Variants in LRCH3 observed in about 807,000 individuals in gnomAD.
LRCH3 encodes the protein leucine rich repeats and calponin homology domain containing 3, also known as DISP complex protein LRCH3.
In LRCH3, 68 loss-of-function variants were observed where a neutral mutation model predicts 104.5. That is an observed-to-expected ratio of 0.65 (90% CI 0.54 to 0.80). The LOEUF (loss-of-function observed/expected upper bound fraction) is 0.80. LRCH3 is among the 30% of genes least tolerant of loss of function. The pLI, the probability that LRCH3 is intolerant of heterozygous loss-of-function variation, is 0.00. For missense variants in LRCH3, 951 were observed against 953.9 expected (o/e 1.00, Z 0.04); for synonymous variants, 344 against 361.3 (o/e 0.95, Z 0.54).
chr3:197,811,398 G>C (rs1490260296), intron 1 of LRCH3, among the ~76,000 whole-genome samples: 1 of 151,988 alleles, frequency 6.6e-6, no homozygotes, highest in East Asian at 1.9e-4. Flanking sequence ...ATTGCTCAGT[G>C]TTGAAAATCT....
intron 20 of LRCH3, chr3:197,880,698 C>T (rs982944400): frequency 1.3e-6 from 2 of 1,536,628 alleles, no homozygotes; most frequent in African/African-American, 2.7e-5. Flanking sequence ...TTATTACTGG[C>T]TCTTCCCCGC....
intron 12 of LRCH3, among the ~76,000 whole-genome samples, chr3:197,849,476 ATC>A (rs761544820): frequency 1.3e-4 from 19 of 151,968 alleles, no homozygotes; most frequent in Non-Finnish European, 2.8e-4. Flanking sequence ...GTCCTCCTTT[ATC>A]TCTGTCATTG....
chr3:197,840,546 T>C (rs532142265), intron 10 of LRCH3, among the ~76,000 whole-genome samples: 4 of 152,372 alleles, frequency 2.6e-5, no homozygotes, highest in Admixed American at 6.5e-5. Flanking sequence ...TTTCTTGCCA[T>C]GAAGAATTTC....
intron 10 of LRCH3, among the ~76,000 whole-genome samples, chr3:197,841,475 A>G (rs937983165): frequency 1.1e-4 from 16 of 152,138 alleles, no homozygotes; most frequent in African/African-American, 3.9e-4. Flanking sequence ...TGATTATATT[A>G]GGTCAACCTG....
At chr3:197,805,158 G>C (rs1189853069) in intron 1 of LRCH3, among the ~76,000 whole-genome samples, 1 of 152,322 alleles carries the variant, frequency 6.6e-6, no homozygotes, top group East Asian at 1.9e-4. Context: ...CTCCCAAAGT[G>C]CTGGGATTAC....
chr3:197,878,291 G>A lies in LRCH3; in HGVS notation c.2208+2516G>A, dbSNP rs137945770. On this transcript the variant is annotated intron_variant, in intron 20 of 20. Coordinates refer to ENST00000425562, the MANE Select transcript of LRCH3 (RefSeq NM_001365715.1). ...TCTGAGATTTAAAGTCCGTACCTTG[G>A]AATTATTTCAGGATGTTCCCACCAT... 2.1e-4 allele frequency among the ~76,000 whole-genome samples: 32 copies of A among 152,264 alleles called. No individual in the cohort carries two copies. The East Asian group carries it at 5.0e-3, about 24-fold the overall frequency.
chr3:197,842,631 C>T (rs1422445692), intron 10 of LRCH3, among the ~76,000 whole-genome samples: 1 of 152,118 alleles, frequency 6.6e-6, no homozygotes, highest in Admixed American at 6.6e-5. Context: ...CTACCACTCC[C>T]CTACCGCTAC....
intron 3 of LRCH3, among the ~76,000 whole-genome samples, chr3:197,819,936 C>T (rs1051447247): frequency 3.3e-5 from 5 of 152,078 alleles, no homozygotes; most frequent in African/African-American, 1.2e-4. Context: ...TCTGAAACTC[C>T]TGGGCTCACG....
In LRCH3 at chr3:197,885,657, T is replaced by C. The variant is rs1310196141; in HGVS notation, c.*1991T>C. On this transcript the variant is annotated 3_prime_UTR_variant, in exon 21 of 21. Coordinates refer to ENST00000425562, the MANE Select transcript of LRCH3 (RefSeq NM_001365715.1). ...TCTCGCTCCACCACAAGCGCCTTTA[T>C]ATACTCAATGATGGGTGGAGGAAAA... 3 of 152,166 alleles carry C rather than the reference T, an allele frequency of 2.0e-5. No homozygotes were observed. Among genetic ancestry groups the C allele is most frequent in the Non-Finnish European group, 2.9e-5 (2 of 68,048 alleles). The allele number at this position is 152,166 out of a possible 1,614,324, so 9.4% of individuals were successfully genotyped here.
chr3:197,881,178 CT>C, intron 20 of LRCH3: 3 of 1,008,230 alleles, frequency 3.0e-6, no homozygotes, highest in Non-Finnish European at 3.6e-6. Context: ...CGTGCCTTTT[CT>C]GGTTTTGGCC....
intron 20 of LRCH3, among the ~76,000 whole-genome samples, chr3:197,879,504 G>A (rs1713354104): frequency 1.3e-5 from 2 of 151,316 alleles, no homozygotes; most frequent in Non-Finnish European, 2.9e-5. Flanking sequence ...AAATTAGCCG[G>A]GCGTGGTGGC....
intron 15 of LRCH3, among the ~76,000 whole-genome samples, chr3:197,864,365 T>G (rs906142488): frequency 7.0e-6 from 1 of 143,310 alleles, no homozygotes; most frequent in African/African-American, 3.0e-5. Flanking sequence ...CCCAGCACTT[T>G]GGGAGGCCGA....
At chr3:197,882,452 C>CTTG in intron 20 of LRCH3, 1 of 947,510 alleles carries the variant, frequency 1.1e-6, no homozygotes, top group Non-Finnish European at 1.3e-6. Flanking sequence ...CTCAAAAATA[C>CTTG]TTGTTATATA....
intron 1 of LRCH3, among the ~76,000 whole-genome samples, chr3:197,805,304 T>G (rs1430529841): frequency 6.6e-6 from 1 of 152,156 alleles, no homozygotes. Flanking sequence ...AGTAAGACAC[T>G]TTTTTCTTAA....
At chr3:197,877,937 G>C (rs1713092414) in intron 20 of LRCH3, among the ~76,000 whole-genome samples, 1 of 152,066 alleles carries the variant, frequency 6.6e-6, no homozygotes, top group African/African-American at 2.4e-5. Context: ...TATTTTGAGA[G>C]CACTGAATAT....
chr3:197,852,590 G>A lies in LRCH3; in HGVS notation c.1560G>A (p.Gln520=). 1.2e-6 allele frequency: 2 copies of A among 1,614,088 alleles called. No homozygotes were observed. The highest frequency in any genetic ancestry group is 1.3e-5 in the African/African-American group (1 of 75,032). ...KQKASQSPQK[Q]HPLLDGVDGE... ...AAGCATCACAAAGTCCACAAAAACA[G>A]CACCCGCTCCTAGATGGCGTAGATG... Residue 520 remains glutamine, a synonymous_variant, in exon 13 of 21, where the codon CAG becomes CAA. Transcript: ENST00000425562.
At chr3:197,795,014 G>GA (rs930849805) in intron 1 of LRCH3, among the ~76,000 whole-genome samples, 2 of 149,970 alleles carry the variant, frequency 1.3e-5, no homozygotes, top group African/African-American at 2.4e-5. Flanking sequence ...AAAAAAAAAA[G>GA]AAAAAAAAAT....
intron 1 of LRCH3, among the ~76,000 whole-genome samples, chr3:197,801,239 T>C (rs1351781343): frequency 6.6e-6 from 1 of 151,862 alleles, no homozygotes; most frequent in Non-Finnish European, 1.5e-5. Context: ...ACAAAAAATA[T>C]AAGTGCTAAA....
At chr3:197,876,340 G>T (rs925485371) in intron 20 of LRCH3, 3 of 152,174 alleles carry the variant, frequency 2.0e-5, no homozygotes, top group African/African-American at 7.2e-5. Context: ...TGAAGCTCTG[G>T]TTCTTTGGAG....
Sources: allele counts gnomAD v4.1 joint callset (sites outside exome capture counted in the v4.1 genomes callset), GRCh38; gene constraint gnomAD v4.1.1; transcripts MANE v1.5; gene names NCBI Gene and HGNC (gene_info 2026-07-23, HGNC 2026-07-21).